The following AKAP7 variants were observed in gnomAD, a reference collection of about 807,000 sequenced individuals.
AKAP7 encodes the protein A kinase (PRKA) anchor protein 7.
AKAP7 carries 39 observed loss-of-function variants against 39.5 expected under a neutral mutation model. The observed-to-expected ratio is 0.99, with a 90% CI of 0.76 to 1.29. AKAP7 has a LOEUF of 1.29. Ranked by LOEUF, AKAP7 falls within the 50% of genes most tolerant of loss-of-function variation. The pLI, the probability that AKAP7 is intolerant of heterozygous loss-of-function variation, is 0.00. For missense variants in AKAP7, 414 were observed against 407.7 expected, an observed-to-expected ratio of 1.02 and a Z score of -0.13; for synonymous variants, 140 against 139.1, an observed-to-expected ratio of 1.01 and a Z score of -0.05.
intron 7 of AKAP7, among the ~76,000 whole-genome samples, chr6:131,229,019 T>C (rs1254573263): frequency 1.3e-5 from 2 of 152,238 alleles, no homozygotes; most frequent in Admixed American, 6.5e-5. Context: ...GCACTTTTGC[T>C]GCATATTGAA....
the AKAP7 span, among the ~76,000 whole-genome samples, chr6:131,125,817 C>A: frequency 6.6e-6 from 1 of 152,318 alleles, no homozygotes; most frequent in African/African-American, 2.4e-5. Flanking sequence ...CCCATTCATG[C>A]CACGAACATC....
intron 5 of AKAP7, among the ~76,000 whole-genome samples, chr6:131,169,904 G>A (rs73633179): frequency 7.1e-4 from 108 of 151,804 alleles, no homozygotes; most frequent in African/African-American, 2.4e-3. Context: ...TGCATTATTG[G>A]TCTATGCTTG....
chr6:131,135,697 C>T lies in AKAP7; in HGVS notation c.-67C>T. On this transcript the variant is annotated 5_prime_UTR_variant, in exon 1 of 8. Coordinates refer to ENST00000431975, the MANE Select transcript of AKAP7 (RefSeq NM_016377.4). ...GCCTCCGCCTCGGCCTCGCCTCCAG[C>T]CCCGGGACGCGGCCCGCCACCGCCG... is the stretch of plus-strand genomic sequence containing the variant. The T allele has an allele frequency of 2.6e-6, 3 of 1,160,012 alleles. No homozygotes were observed. The highest frequency in any genetic ancestry group is 4.1e-5 in the East Asian group (1 of 24,412). The allele number at this position is 1,160,012 out of a possible 1,614,324, so 71.9% of individuals were successfully genotyped here. A position where few individuals can be genotyped will look rare whatever the true frequency, so the allele number is the denominator to read the frequency against.
Position 131,241,627 on chromosome 6 carries a change from G to GTGTGTGTGTGTGTGTGTGTGTGTA in AKAP7, c.850+21820_850+21821insGTGTGTGTGTGTGTGTGTGTGTAT. ...TGTGTGTGTGTGTGTGTGTGTGTGTGTATATATATATGACAGTTATAGGAT... is the reference window on the plus strand; with the variant it reads ...TGTGTGTGTGTGTGTGTGTGTGTGTGTGTGTGTGTGTGTGTGTGTGTGTATATATATATATGACAGTTATAGGAT... On this transcript the variant is annotated intron_variant, in intron 7 of 7. Coordinates refer to ENST00000431975, the MANE Select transcript of AKAP7 (RefSeq NM_016377.4). Among the ~76,000 whole-genome samples the GTGTGTGTGTGTGTGTGTGTGTGTA allele has an allele frequency of 5.7e-3, 495 of 86,668 alleles. 18 individuals are homozygous for GTGTGTGTGTGTGTGTGTGTGTGTA. The highest frequency in any genetic ancestry group is 0.022 in the African/African-American group (445 of 20,050). 56.9% of individuals were successfully genotyped at this position (86,668 alleles called of 152,430 possible).
chr6:131,209,959 C>A (rs1044111299), intron 6 of AKAP7, among the ~76,000 whole-genome samples: 8 of 152,078 alleles, frequency 5.3e-5, no homozygotes, highest in African/African-American at 1.9e-4. Context: ...AATTACTGAC[C>A]CACTCAAATG....
intron 5 of AKAP7, among the ~76,000 whole-genome samples, chr6:131,185,782 C>G (rs552335744): frequency 6.6e-6 from 1 of 152,152 alleles, no homozygotes; most frequent in Non-Finnish European, 1.5e-5. Flanking sequence ...CCTTTTCATT[C>G]TATTATATCC....
In AKAP7 at chr6:131,249,334, C is replaced by T. The variant is rs191005866; in HGVS notation, c.850+29526C>T. ...ATTGAAAACAGATACTAGTGTTTGC[C>T]AGCATCTTCACTGTTTTTTTTAATG... On this transcript the variant is annotated intron_variant, in intron 7 of 7. Transcript: ENST00000431975. 2.7e-3 allele frequency among the ~76,000 whole-genome samples: 407 copies of T among 151,994 alleles called. 1 individual carries two copies. The highest frequency in any genetic ancestry group is 9.4e-3 in the African/African-American group (388 of 41,448).
At chr6:131,146,082 G>A (rs192649069) in intron 2 of AKAP7, among the ~76,000 whole-genome samples, 1 of 152,254 alleles carries the variant, frequency 6.6e-6, no homozygotes, top group Admixed American at 6.5e-5. Flanking sequence ...ATGTTTACTA[G>A]CTGTTTGGTA....
intron 7 of AKAP7, among the ~76,000 whole-genome samples, chr6:131,267,970 A>G (rs957098052): frequency 1.1e-4 from 16 of 152,188 alleles, no homozygotes; most frequent in African/African-American, 2.9e-4. Flanking sequence ...AGGATGCTCA[A>G]TGAATACTTG....
chr6:131,132,319 A>T (rs1800346706), upstream of AKAP7, among the ~76,000 whole-genome samples: 1 of 151,914 alleles, frequency 6.6e-6, no homozygotes, highest in African/African-American at 2.4e-5. Context: ...TCTCAGAAAA[A>T]AAAAAAAAAG....
chr6:131,223,859 A>T (rs1355384799), intron 7 of AKAP7, among the ~76,000 whole-genome samples: 1 of 152,178 alleles, frequency 6.6e-6, no homozygotes, highest in Non-Finnish European at 1.5e-5. Flanking sequence ...AGTTCTATTC[A>T]GCCTACCACC....
chr6:131,186,693 A>T (rs1805895418), intron 5 of AKAP7, among the ~76,000 whole-genome samples: 1 of 152,146 alleles, frequency 6.6e-6, no homozygotes, highest in Admixed American at 6.5e-5. Context: ...CACCTAGTGG[A>T]AGGGGAGAAC....
intron 7 of AKAP7, among the ~76,000 whole-genome samples, chr6:131,223,016 A>G (rs1809844073): frequency 6.6e-6 from 1 of 152,260 alleles, no homozygotes; most frequent in Non-Finnish European, 1.5e-5. Context: ...CAAAAAGATT[A>G]TGACTTGCTT....
intron 5 of AKAP7, among the ~76,000 whole-genome samples, chr6:131,195,335 T>C (rs1396985032): frequency 6.6e-6 from 1 of 152,140 alleles, no homozygotes; most frequent in Non-Finnish European, 1.5e-5. Flanking sequence ...ACACCTTAAC[T>C]TTGTCTTCTC....
intron 7 of AKAP7, among the ~76,000 whole-genome samples, chr6:131,251,501 A>T (rs1812443976): frequency 6.6e-6 from 1 of 152,202 alleles, no homozygotes; most frequent in East Asian, 1.9e-4. Context: ...TGGTTCAGAT[A>T]CTGAAAGATA....
intron 7 of AKAP7, among the ~76,000 whole-genome samples, chr6:131,280,733 T>G (rs1815133011): frequency 6.6e-6 from 1 of 152,162 alleles, no homozygotes; most frequent in Admixed American, 6.5e-5. Flanking sequence ...CCTTAGTTCC[T>G]TTTCCCAGTT....
At chr6:131,175,028 G>A (rs1804441771) in intron 5 of AKAP7, among the ~76,000 whole-genome samples, 1 of 151,920 alleles carries the variant, frequency 6.6e-6, no homozygotes. Flanking sequence ...AACACATATT[G>A]TATATGTTAC....
intron 5 of AKAP7, among the ~76,000 whole-genome samples, chr6:131,171,390 G>C (rs1211855342): frequency 1.3e-5 from 2 of 152,110 alleles, no homozygotes; most frequent in Non-Finnish European, 2.9e-5. Flanking sequence ...AGGTTTTCTG[G>C]TTGGACAAAT....
At chr6:131,255,015 AG>A (rs1218733357) in intron 7 of AKAP7, among the ~76,000 whole-genome samples, 1 of 152,184 alleles carries the variant, frequency 6.6e-6, no homozygotes, top group Non-Finnish European at 1.5e-5. Flanking sequence ...ATTACCATAA[AG>A]GTGATCAAAT....
Sources: gnomAD v4.1 joint callset for allele counts (sites outside exome capture counted in the v4.1 genomes callset) on GRCh38, gnomAD v4.1.1 for gene constraint, MANE v1.5 for transcripts, NCBI Gene and HGNC (gene_info 2026-07-23, HGNC 2026-07-21) for gene names.